The following GAN variants were observed in gnomAD, a reference collection of about 807,000 sequenced individuals.
The protein encoded by GAN is gigaxonin, also known as epididymis secretory sperm binding protein.
A neutral mutation model predicts 71.3 loss-of-function variants in GAN; 48 were observed. The observed-to-expected ratio is 0.67, with a 90% CI of 0.53 to 0.86. The LOEUF (loss-of-function observed/expected upper bound fraction) is 0.86. GAN is among the 40% of genes least tolerant of loss of function. GAN has a pLI of 0.00. For synonymous variants in GAN, 386 were observed against 276.8 expected (o/e 1.39, Z -3.92); for missense variants, 928 against 770.1 (o/e 1.21, Z -2.43).
chr16:81,316,664 T>G (rs1909052975), intron 1 of GAN, among the ~76,000 whole-genome samples: 1 of 152,244 alleles, frequency 6.6e-6, no homozygotes, highest in Non-Finnish European at 1.5e-5. Context: ...AAAACTACTT[T>G]AGATGCATTA....
chr16:81,363,210 T>C (rs1056381002), intron 6 of GAN, among the ~76,000 whole-genome samples: 1 of 152,236 alleles, frequency 6.6e-6, no homozygotes, highest in African/African-American at 2.4e-5. Flanking sequence ...CACGTCAACT[T>C]GAAAACACTG....
chr16:81,372,225 G>A (rs1414617209), intron 9 of GAN, among the ~76,000 whole-genome samples: 3 of 152,174 alleles, frequency 2.0e-5, no homozygotes, highest in Admixed American at 2.0e-4. Context: ...TGACAAGCCC[G>A]TTTGAAAACA....
intron 9 of GAN, among the ~76,000 whole-genome samples, chr16:81,375,431 G>A (rs1409389251): frequency 1.4e-5 from 2 of 140,362 alleles, no homozygotes; most frequent in Non-Finnish European, 3.0e-5. Context: ...TGACCTCCTT[G>A]ACTCAAGCAA....
At chr16:81,373,413 C>G (rs1015389325) in intron 9 of GAN, among the ~76,000 whole-genome samples, 1 of 152,170 alleles carries the variant, frequency 6.6e-6, no homozygotes, top group Non-Finnish European at 1.5e-5. Flanking sequence ...ATAGCAGGGT[C>G]TAGATTTACT....
In GAN at chr16:81,347,399, T is replaced by G. The variant is rs73589365; in HGVS notation, c.168-4184T>G. The stretch of plus-strand genomic sequence containing the variant: ...GCCTTCTACTGTCACCAGAATGGAC[T>G]GGCTTCCTTCTGCTGGTACATAGCT... On this transcript the variant is annotated intron_variant, in intron 1 of 10. Coordinates refer to ENST00000648994, the MANE Select transcript of GAN (RefSeq NM_022041.4). Among the ~76,000 whole-genome samples the G allele has an allele frequency of 4.5e-3, 684 of 152,362 alleles. 4 individuals carry two copies. Among genetic ancestry groups the G allele is most frequent in the African/African-American group, 0.015 (644 of 41,582 alleles).
At chr16:81,347,207 A>G (rs997686539) in intron 1 of GAN, among the ~76,000 whole-genome samples, 2 of 152,228 alleles carry the variant, frequency 1.3e-5, no homozygotes, top group African/African-American at 4.8e-5. Flanking sequence ...ATACACCTAG[A>G]CAACAGCCAG....
intron 1 of GAN, among the ~76,000 whole-genome samples, chr16:81,334,278 G>T (rs1597392822): frequency 6.6e-6 from 1 of 152,300 alleles, no homozygotes; most frequent in East Asian, 1.9e-4. Flanking sequence ...AGGCTGTCGG[G>T]GAAGGATAGG....
At chr16:81,341,578 A>G (rs1909943826) in intron 1 of GAN, among the ~76,000 whole-genome samples, 2 of 152,198 alleles carry the variant, frequency 1.3e-5, no homozygotes, top group Non-Finnish European at 2.9e-5. Context: ...AGACAAGCAA[A>G]TGCTGAGAGA....
intron 7 of GAN, among the ~76,000 whole-genome samples, chr16:81,364,416 C>T (rs1910781158): frequency 6.6e-6 from 1 of 152,196 alleles, no homozygotes; most frequent in Admixed American, 6.5e-5. Flanking sequence ...CAGGTGTGCA[C>T]CACCACACCC....
At chr16:81,318,916 A>G (rs554151854) in intron 1 of GAN, among the ~76,000 whole-genome samples, 24 of 152,246 alleles carry the variant, frequency 1.6e-4, no homozygotes, top group Admixed American at 3.9e-4. Context: ...AGCTCAGTAA[A>G]TGGCATGCAT....
chr16:81,359,160 A>G (rs903418313), intron 5 of GAN, among the ~76,000 whole-genome samples: 2 of 151,790 alleles, frequency 1.3e-5, no homozygotes, highest in Non-Finnish European at 2.9e-5. Flanking sequence ...ATGTAGGTCT[A>G]GTTTCCCTGT....
chr16:81,350,882 C>T (rs550714196), intron 1 of GAN, among the ~76,000 whole-genome samples: 1 of 152,170 alleles, frequency 6.6e-6, no homozygotes, highest in Non-Finnish European at 1.5e-5. Flanking sequence ...TCACAGTTTG[C>T]AATATCGAAA....
chr16:81,339,829 G>A (rs966814309), intron 1 of GAN, among the ~76,000 whole-genome samples: 2 of 152,120 alleles, frequency 1.3e-5, no homozygotes. Flanking sequence ...TATTGGGGGA[G>A]GTTAAGGGCA....
intron 1 of GAN, among the ~76,000 whole-genome samples, chr16:81,344,294 C>T (rs890171744): frequency 7.9e-5 from 12 of 152,162 alleles, no homozygotes; most frequent in South Asian, 4.1e-4. Flanking sequence ...AAAGAGCCCG[C>T]ATAGCCAAGA....
chr16:81,318,297 ATTTTGT>A (rs1392159820), intron 1 of GAN, among the ~76,000 whole-genome samples: 1 of 152,152 alleles, frequency 6.6e-6, no homozygotes, highest in African/African-American at 2.4e-5. Flanking sequence ...TAAAATTCTG[ATTTTGT>A]TTAATGTCTG....
Position 81,356,805 on chromosome 16 carries a change from G to A in GAN, c.654G>A (p.Met218Ile). The change falls in exon 4 of 11, where the codon ATG (methionine) becomes ATA (isoleucine). Residue 218 changes from methionine to isoleucine, a missense_variant. By Grantham distance (10) the Met-to-Ile change is conservative. Transcript: ENST00000648994. The part of the protein sequence containing the change: ...EIRKVHMKDV[M>I]SALWVSGLDS... ...TGCAGGTCCACATGAAGGATGTTAT[G>A]TCAGCTCTGTGGGTTTCAGGGTTGG... 1.2e-6 allele frequency: 2 copies of A among 1,612,746 alleles called. No homozygotes were observed. Among genetic ancestry groups the A allele is most frequent in the Non-Finnish European group, 1.7e-6 (2 of 1,178,736 alleles).
intron 9 of GAN, among the ~76,000 whole-genome samples, chr16:81,371,218 T>A (rs1419260173): frequency 6.6e-6 from 1 of 152,350 alleles, no homozygotes; most frequent in Non-Finnish European, 1.5e-5. Context: ...ATCACAAGCA[T>A]ATTTTCCTTT....
At chr16:81,354,849 C>G (rs1910433831) in intron 3 of GAN, 94 bp downstream of exon 3, 1 of 749,248 alleles carries the variant, frequency 1.3e-6, no homozygotes, top group Non-Finnish European at 2.3e-6. Flanking sequence ...TCATGAAAGA[C>G]TTACGATGCA....
rs367986728 is a variant in GAN at position 81,369,612 on chromosome 16, G to A, written c.1502+4134G>A. Among the ~76,000 whole-genome samples the A allele has an allele frequency of 2.7e-4, 41 of 152,072 alleles. 2 individuals are homozygous for A. Among genetic ancestry groups the A allele is most frequent in the Middle Eastern group, 3.4e-3 (1 of 294 alleles). ...TGGTAGATCTTTTGCTTTTTTTTGAGACGGAGTCTCACTCTGTTGCCCAGG... is the reference window on the plus strand; with the variant it reads ...TGGTAGATCTTTTGCTTTTTTTTGAAACGGAGTCTCACTCTGTTGCCCAGG... On this transcript the variant is annotated intron_variant, in intron 9 of 10. Coordinates refer to ENST00000648994, the MANE Select transcript of GAN (RefSeq NM_022041.4).
Sources: gnomAD v4.1 joint callset for allele counts (sites outside exome capture counted in the v4.1 genomes callset) on GRCh38, gnomAD v4.1.1 for gene constraint, MANE v1.5 for transcripts, NCBI Gene and HGNC (gene_info 2026-07-23, HGNC 2026-07-21) for gene names.